GLO1: variants seen among roughly 807,000 people sequenced by gnomAD.
The protein encoded by GLO1 is glyoxalase I.
GLO1 carries 28 observed loss-of-function variants against 26.0 expected under a neutral mutation model. That is an observed-to-expected ratio of 1.08 (90% CI 0.80 to 1.48). The LOEUF is 1.48. Among genes scored for constraint, GLO1 ranks in the 40% most tolerant of loss-of-function variants. GLO1 has a pLI of 0.00. For missense variants in GLO1, 225 were observed against 224.8 expected (o/e 1.00, Z -0.01); for synonymous variants, 78 against 77.6 (o/e 1.00, Z -0.03).
intron 5 of GLO1, among the ~76,000 whole-genome samples, chr6:38,681,588 T>C (rs753132021): frequency 2.0e-5 from 3 of 152,120 alleles, no homozygotes; most frequent in Non-Finnish European, 4.4e-5. Context: ...ACAAAGGTTA[T>C]AAAAGATGAA....
rs779122254 is a variant in GLO1 at position 38,677,274 on chromosome 6, C to T, written c.*21G>A. 25 of 1,095,896 alleles carry T rather than the reference C, an allele frequency of 2.3e-5. No homozygotes were observed. Among genetic ancestry groups the T allele is most frequent in the Non-Finnish European group, 2.8e-5 (20 of 707,464 alleles). The allele number at this position is 1,095,896 out of a possible 1,614,324, so 67.9% of individuals were successfully genotyped here. ...CATTGTTTCCTTTCTTCTGAAATCT[C>T]AAAGGAGAATTCTCACAGCACTACA... On this transcript the variant is annotated 3_prime_UTR_variant, in exon 6 of 6. Coordinates refer to ENST00000373365, the MANE Select transcript of GLO1 (RefSeq NM_006708.3).
At chr6:38,700,308 C>G (rs945296205) in intron 1 of GLO1, among the ~76,000 whole-genome samples, 1 of 152,192 alleles carries the variant, frequency 6.6e-6, no homozygotes, top group South Asian at 2.1e-4. Flanking sequence ...AGGCATAGGC[C>G]CATCACCACC....
rs1345954194 is a variant in GLO1, at chr6:38,693,681, CTCTCTATATA to C, written c.85-6717_85-6708del. ...CAGCTCTCTCTCTCTCTCTCTCTCT[CTCTCTATATA>C]TATATATATATATATTTGTTTTGTT... On this transcript the variant is annotated intron_variant, in intron 1 of 5. Transcript: ENST00000373365. 5.7e-3 allele frequency among the ~76,000 whole-genome samples: 541 copies of C among 94,376 alleles called. 5 individuals are homozygous for C. The highest frequency in any genetic ancestry group is 0.019 in the African/African-American group (473 of 25,168). The allele number at this position is 94,376 out of a possible 152,430, so 61.9% of individuals were successfully genotyped here. A position where few individuals can be genotyped will look rare whatever the true frequency, so the allele number is the denominator to read the frequency against.
intron 1 of GLO1, among the ~76,000 whole-genome samples, chr6:38,702,311 A>C (rs1761716003): frequency 6.6e-6 from 1 of 152,234 alleles, no homozygotes; most frequent in Non-Finnish European, 1.5e-5. Context: ...CATGTTCGGT[A>C]AGTGAAAGCC....
intron 1 of GLO1, among the ~76,000 whole-genome samples, chr6:38,692,593 A>T (rs997511298): frequency 7.9e-5 from 12 of 152,110 alleles, no homozygotes; most frequent in Non-Finnish European, 1.5e-4. Flanking sequence ...GAGTGGTAAC[A>T]GCAGACATCC....
At chr6:38,693,600 T>G (rs1393323594) in intron 1 of GLO1, among the ~76,000 whole-genome samples, 2 of 151,714 alleles carry the variant, frequency 1.3e-5, no homozygotes, top group Admixed American at 1.3e-4. Context: ...ATGCAGTCAG[T>G]GCTATACATT....
intron 5 of GLO1, among the ~76,000 whole-genome samples, chr6:38,679,292 A>C (rs1404493277): frequency 6.6e-6 from 1 of 150,984 alleles, no homozygotes; most frequent in Non-Finnish European, 1.5e-5. Context: ...ATGCCCAGAT[A>C]ATTTAAAAAA....
intron 5 of GLO1, among the ~76,000 whole-genome samples, chr6:38,678,338 G>A (rs34349982): frequency 0.081 from 12,222 of 150,798 alleles, 652 homozygotes; most frequent in Middle Eastern, 0.18. Context: ...AAGAGAAAGA[G>A]AAAGAGAGAA....
At chr6:38,689,407 C>T (rs945920213) in intron 1 of GLO1, among the ~76,000 whole-genome samples, 2 of 152,110 alleles carry the variant, frequency 1.3e-5, no homozygotes, top group African/African-American at 2.4e-5. Context: ...TTTGTTTCTT[C>T]AACATCTTTC....
At chr6:38,685,760 A>AGT (rs1761452792) in intron 2 of GLO1, among the ~76,000 whole-genome samples, 1 of 152,210 alleles carries the variant, frequency 6.6e-6, no homozygotes, top group Admixed American at 6.5e-5. Flanking sequence ...AGGAAATGAA[A>AGT]CTGTTGCAAC....
rs148661388 is a variant in GLO1 at position 38,678,316 on chromosome 6, G to GAGAGAAAGAGAA, written c.467-945_467-934dup. Among the ~76,000 whole-genome samples, 949 of 147,184 alleles carry GAGAGAAAGAGAA rather than the reference G, an allele frequency of 6.4e-3. 1 individual carries two copies. Among genetic ancestry groups the GAGAGAAAGAGAA allele is most frequent in the Middle Eastern group, 0.021 (6 of 292 alleles). ...GGAAAATGCAGGAAAAAGAAAGAAA[G>GAGAGAAAGAGAA]AGAGAAAGAGAAAGAGAAAGAGAAA... On this transcript the variant is annotated intron_variant, in intron 5 of 5. Coordinates refer to ENST00000373365, the MANE Select transcript of GLO1 (RefSeq NM_006708.3).
chr6:38,702,150 A>G (rs115962292), intron 1 of GLO1, among the ~76,000 whole-genome samples: 2,053 of 151,904 alleles, frequency 0.014, 45 homozygotes, highest in African/African-American at 0.046. Flanking sequence ...GATGGTCTCT[A>G]CCTCTTGACC....
chr6:38,686,956 T>A lies in GLO1; in HGVS notation c.103A>T (p.Thr35Ser). ...PSTKDFLLQQ[T>S]MLRVKDPKKS... ...TTAGGATCCTTCACTCGTAGCATGG[T>A]CTGCTGCAATAGAAAATCCTATGGA... Residue 35 changes from threonine (T) to serine (S), a missense_variant, in exon 2 of 6, where the codon ACC (threonine) becomes TCC (serine). Thr to Ser is a moderately conservative substitution (Grantham distance 58, BLOSUM62 1). Coordinates refer to ENST00000373365, the MANE Select transcript of GLO1 (RefSeq NM_006708.3). 6.2e-7 allele frequency: 1 copy of A among 1,603,284 alleles called. No homozygotes were observed. Among genetic ancestry groups the A allele is most frequent in the Non-Finnish European group, 8.5e-7 (1 of 1,171,210 alleles).
At chr6:38,683,883 T>C (rs1250679846) in intron 3 of GLO1, among the ~76,000 whole-genome samples, 21 of 150,092 alleles carry the variant, frequency 1.4e-4, no homozygotes, top group Admixed American at 1.4e-3. Flanking sequence ...CAAGACTCTG[T>C]CTCAAAAAAT....
chr6:38,682,228 G>C (rs1761392423), intron 4 of GLO1, 127 bp from the exon 5 acceptor site: 2 of 655,562 alleles, frequency 3.1e-6, no homozygotes, highest in African/African-American at 1.8e-5. Flanking sequence ...AACAGACTTA[G>C]GTAGGTTCAA....
intron 1 of GLO1, among the ~76,000 whole-genome samples, chr6:38,701,175 G>A (rs1184699096): frequency 6.8e-6 from 1 of 147,350 alleles, no homozygotes; most frequent in East Asian, 1.9e-4. Context: ...TGGAAGTGTG[G>A]GGTCCTCCCT....
intron 2 of GLO1, among the ~76,000 whole-genome samples, chr6:38,685,444 T>G (rs1333049550): frequency 2.0e-5 from 3 of 152,198 alleles, no homozygotes; most frequent in East Asian, 1.9e-4. Context: ...AGAATGCATA[T>G]ATGATTTTCT....
At position 38,677,026 on chromosome 6, in the gene GLO1, G is replaced by A. The variant is rs1761261738; in HGVS notation, c.*269C>T. The A allele has an allele frequency of 3.2e-6, 1 of 311,268 alleles. No homozygotes were observed. The highest frequency in any genetic ancestry group is 5.8e-6 in the Non-Finnish European group (1 of 172,470). 19.3% of individuals were successfully genotyped at this position (311,268 alleles called of 1,614,324 possible). On this transcript the variant is annotated 3_prime_UTR_variant, in exon 6 of 6. Transcript: ENST00000373365. The stretch of plus-strand genomic sequence containing the variant: ...ATTTAGGTGGCAGAAGAAGGCAAAT[G>A]CAGCCTCTGAAGGGAACTGTTCTAA...
chr6:38,692,238 G>C (rs1057139382), intron 1 of GLO1, among the ~76,000 whole-genome samples: 17 of 152,036 alleles, frequency 1.1e-4, no homozygotes, highest in African/African-American at 4.1e-4. Context: ...GCTGTTTTCA[G>C]CATATGTGTC....
Sources: allele counts gnomAD v4.1 joint callset (sites outside exome capture counted in the v4.1 genomes callset), GRCh38; gene constraint gnomAD v4.1.1; transcripts MANE v1.5; gene names NCBI Gene and HGNC (gene_info 2026-07-23, HGNC 2026-07-21).